TENM4: variants seen among roughly 807,000 people sequenced by gnomAD.
The protein encoded by TENM4 is teneurin-4.
A neutral mutation model predicts 243.3 loss-of-function variants in TENM4; 82 were observed. The observed-to-expected ratio is 0.34, with a 90% CI of 0.28 to 0.40. The LOEUF (loss-of-function observed/expected upper bound fraction) is 0.40. TENM4 is among the 10% of genes least tolerant of loss of function. The pLI, the probability that TENM4 is intolerant of heterozygous loss-of-function variation, is 1.00. For missense variants in TENM4, 3,138 were observed against 3,673.3 expected (o/e 0.85, Z 3.77); for synonymous variants, 1,412 against 1,456.3 (o/e 0.97, Z 0.69).
At chr11:78,925,069 T>A (rs1856525390) in intron 6 of TENM4, among the ~76,000 whole-genome samples, 1 of 152,210 alleles carries the variant, frequency 6.6e-6, no homozygotes, top group Admixed American at 6.5e-5. Flanking sequence ...TTCTTTCTGT[T>A]CTTATTTGAG....
At chr11:79,408,206 C>A (rs557457728) in intron 1 of TENM4, among the ~76,000 whole-genome samples, 2 of 152,330 alleles carry the variant, frequency 1.3e-5, no homozygotes, top group East Asian at 1.9e-4. Context: ...GCTGGGCCAA[C>A]CACTGCGCCC....
chr11:79,064,713 G>A (rs1011333560), intron 6 of TENM4, 25 bp downstream of exon 6: 12 of 1,551,066 alleles, frequency 7.7e-6, no homozygotes, highest in African/African-American at 2.7e-5. Flanking sequence ...CCAGGCACCC[G>A]GCACAGACCA....
At chr11:79,384,746 T>A (rs1256203789) in intron 1 of TENM4, among the ~76,000 whole-genome samples, 2 of 151,802 alleles carry the variant, frequency 1.3e-5, no homozygotes, top group Non-Finnish European at 2.9e-5. Flanking sequence ...GCCAACATGA[T>A]GAAACCCTGT....
intron 9 of TENM4, among the ~76,000 whole-genome samples, chr11:78,879,479 G>A (rs188338236): frequency 1.5e-5 from 2 of 133,896 alleles, no homozygotes; most frequent in African/African-American, 5.8e-5. Flanking sequence ...CCGTCTGGGA[G>A]GTGAGGAGCG....
At chr11:79,130,564 C>A (rs1861982227) in intron 4 of TENM4, among the ~76,000 whole-genome samples, 1 of 152,208 alleles carries the variant, frequency 6.6e-6, no homozygotes, top group African/African-American at 2.4e-5. Context: ...TGGCTCATGC[C>A]TGTAATCCCA....
In TENM4 at chr11:78,984,435, A is replaced by G. The variant is rs527761503; in HGVS notation, c.493+80303T>C. On this transcript the variant is annotated intron_variant, in intron 6 of 33. Coordinates refer to ENST00000278550, the MANE Select transcript of TENM4 (RefSeq NM_001098816.3). Reference sequence around the variant, plus strand: ...GAGATGAGTGTGGATTGCATTCGCCATTTGGGATCAGAGTCCCACTGGTGA... The same window carrying G: ...GAGATGAGTGTGGATTGCATTCGCCGTTTGGGATCAGAGTCCCACTGGTGA... Among the ~76,000 whole-genome samples, 5 of 152,318 alleles carry G rather than the reference A, an allele frequency of 3.3e-5. No individual in the cohort carries two copies. The South Asian group carries it at 1.0e-3, about 32-fold the overall frequency.
chr11:79,279,394 T>C (rs1176300339), intron 2 of TENM4, among the ~76,000 whole-genome samples: 1 of 152,138 alleles, frequency 6.6e-6, no homozygotes, highest in Non-Finnish European at 1.5e-5. Flanking sequence ...GTGTAAACTT[T>C]CTCAGGGTCA....
At chr11:79,267,591 C>T (rs1855903489) in intron 2 of TENM4, among the ~76,000 whole-genome samples, 1 of 152,168 alleles carries the variant, frequency 6.6e-6, no homozygotes, top group African/African-American at 2.4e-5. Context: ...ATCTCTGGTC[C>T]TTCATTTCCT....
At chr11:79,083,642 G>T (rs1860733471) in intron 4 of TENM4, among the ~76,000 whole-genome samples, 1 of 152,176 alleles carries the variant, frequency 6.6e-6, no homozygotes, top group Admixed American at 6.5e-5. Flanking sequence ...ATAGTGAGCT[G>T]AAACTTACCT....
chr11:79,411,768 G>C (rs964917654), intron 1 of TENM4, among the ~76,000 whole-genome samples: 2 of 152,198 alleles, frequency 1.3e-5, no homozygotes, highest in Non-Finnish European at 2.9e-5. Context: ...TTCAATGGAA[G>C]TGATCAAAGC....
chr11:79,029,138 A>G (rs1859161783), intron 6 of TENM4, among the ~76,000 whole-genome samples: 1 of 152,158 alleles, frequency 6.6e-6, no homozygotes, highest in African/African-American at 2.4e-5. Flanking sequence ...ATCTCTGCAC[A>G]GGCCAGAGAA....
intron 1 of TENM4, among the ~76,000 whole-genome samples, chr11:79,425,490 A>T (rs998257625): frequency 1.4e-5 from 2 of 144,088 alleles, no homozygotes; most frequent in African/African-American, 5.2e-5. Flanking sequence ...CTAGCCCTAA[A>T]CTCCTGGCCA....
intron 7 of TENM4, among the ~76,000 whole-genome samples, chr11:78,891,906 C>G (rs1279279306): frequency 6.6e-6 from 1 of 152,160 alleles, no homozygotes; most frequent in Non-Finnish European, 1.5e-5. Context: ...CTTCTAAAGC[C>G]ATGGTTCTCC....
chr11:79,139,663 AAT>A (rs1433379398), intron 4 of TENM4, among the ~76,000 whole-genome samples: 1 of 97,676 alleles, frequency 1.0e-5, no homozygotes, highest in Non-Finnish European at 1.8e-5. Context: ...AAGTATATAA[AAT>A]ATATATATTT....
chr11:79,138,368 T>C lies in TENM4; in HGVS notation c.-66+10342A>G, dbSNP rs572193789. Among the ~76,000 whole-genome samples the C allele has an allele frequency of 4.7e-3, 579 of 122,766 alleles. 7 individuals carry two copies. Among genetic ancestry groups the C allele is most frequent in the African/African-American group, 0.018 (549 of 31,326 alleles). The allele number at this position is 122,766 out of a possible 152,430, so 80.5% of individuals were successfully genotyped here. The stretch of plus-strand genomic sequence containing the variant: ...ATATAAAAATATATAATATATAATA[T>C]AAATATAATATATATTATATAATAT... On this transcript the variant is annotated intron_variant, in intron 4 of 33. Coordinates refer to ENST00000278550, the MANE Select transcript of TENM4 (RefSeq NM_001098816.3).
At chr11:78,895,618 C>T (rs1855774404) in intron 7 of TENM4, among the ~76,000 whole-genome samples, 4 of 152,280 alleles carry the variant, frequency 2.6e-5, no homozygotes, top group Middle Eastern at 6.8e-3. Flanking sequence ...GCCCACCTTT[C>T]TTGATGGGGA....
intron 14 of TENM4, among the ~76,000 whole-genome samples, chr11:78,809,218 A>G (rs1857446774): frequency 6.6e-6 from 1 of 152,224 alleles, no homozygotes; most frequent in South Asian, 2.1e-4. Context: ...CACTCCCAGC[A>G]GATGGCCCAG....
At chr11:79,416,698 T>A (rs1858822072) in intron 1 of TENM4, among the ~76,000 whole-genome samples, 1 of 152,130 alleles carries the variant, frequency 6.6e-6, no homozygotes, top group Non-Finnish European at 1.5e-5. Flanking sequence ...AACTGAGGCT[T>A]AACAAGGTCA....
chr11:79,050,331 C>T (rs996853617), intron 6 of TENM4, among the ~76,000 whole-genome samples: 2 of 152,264 alleles, frequency 1.3e-5, no homozygotes, highest in Admixed American at 6.5e-5. Context: ...TTATTGAAGG[C>T]TGTGGATGCA....
Sources: gnomAD v4.1 joint callset for allele counts (sites outside exome capture counted in the v4.1 genomes callset) on GRCh38, gnomAD v4.1.1 for gene constraint, MANE v1.5 for transcripts, NCBI Gene and HGNC (gene_info 2026-07-23, HGNC 2026-07-21) for gene names.